The following CSNK2A2IP variants were observed in gnomAD, a reference collection of about 807,000 sequenced individuals.
The protein encoded by CSNK2A2IP is casein kinase II subunit alpha'-interacting protein.
the CSNK2A2IP span, among the ~76,000 whole-genome samples, chr3:88,451,905 C>A: frequency 6.6e-6 from 1 of 151,914 alleles, no homozygotes; most frequent in Non-Finnish European, 1.5e-5. Flanking sequence ...TAATTTTATA[C>A]CTGTAATAAT....
the CSNK2A2IP span, chr3:88,466,421 G>C: frequency 8.1e-7 from 1 of 1,231,874 alleles, no homozygotes; most frequent in Non-Finnish European, 1.0e-6. Flanking sequence ...GGCAAACACA[G>C]AGTCACACAT....
At chr3:88,369,515 G>T in the CSNK2A2IP span, among the ~76,000 whole-genome samples, 1 of 151,902 alleles carries the variant, frequency 6.6e-6, no homozygotes, top group African/African-American at 2.4e-5. Flanking sequence ...GCTTGTTATT[G>T]CAAAACCTCA....
At chr3:88,377,484 G>A in the CSNK2A2IP span, among the ~76,000 whole-genome samples, 2 of 138,610 alleles carry the variant, frequency 1.4e-5, no homozygotes, top group Non-Finnish European at 3.3e-5. Context: ...GATTGAATCT[G>A]TATTACAATT....
chr3:88,339,353 C>T, the CSNK2A2IP span, among the ~76,000 whole-genome samples: 3 of 151,910 alleles, frequency 2.0e-5, no homozygotes, highest in African/African-American at 7.3e-5. Context: ...CAGTTCTATC[C>T]ATGTTGCAAA....
At chr3:88,356,918 G>C in the CSNK2A2IP span, among the ~76,000 whole-genome samples, 2 of 151,914 alleles carry the variant, frequency 1.3e-5, no homozygotes, top group African/African-American at 4.8e-5. Context: ...GTCTATTCAG[G>C]TATTTTATTC....
At chr3:88,367,979 C>A in the CSNK2A2IP span, among the ~76,000 whole-genome samples, 1 of 151,898 alleles carries the variant, frequency 6.6e-6, no homozygotes, top group Non-Finnish European at 1.5e-5. Context: ...AATGAATATA[C>A]CAATATTTTG....
At chr3:88,451,117 T>A in the CSNK2A2IP span, among the ~76,000 whole-genome samples, 1 of 152,126 alleles carries the variant, frequency 6.6e-6, no homozygotes, top group Non-Finnish European at 1.5e-5. Flanking sequence ...TTTATTTTAA[T>A]TGACAAATAA....
the CSNK2A2IP span, chr3:88,465,248 C>G: frequency 1.8e-6 from 1 of 554,310 alleles, no homozygotes; most frequent in South Asian, 9.9e-5. Context: ...AAGCTAGCAA[C>G]TGTTATGTAA....
chr3:88,399,153 A>T, the CSNK2A2IP span, among the ~76,000 whole-genome samples: 1 of 152,170 alleles, frequency 6.6e-6, no homozygotes, highest in Non-Finnish European at 1.5e-5. Flanking sequence ...TGCATTCCTC[A>T]ACAATAGCAT....
chr3:88,425,236 A>C, the CSNK2A2IP span, among the ~76,000 whole-genome samples: 1 of 152,072 alleles, frequency 6.6e-6, no homozygotes, highest in African/African-American at 2.4e-5. Flanking sequence ...CTTATATTTG[A>C]AAATATTTTG....
chr3:88,344,143 T>C, the CSNK2A2IP span, among the ~76,000 whole-genome samples: 13 of 151,924 alleles, frequency 8.6e-5, no homozygotes, highest in Admixed American at 7.9e-4. Context: ...TACTTAAAGA[T>C]ATTCTTGAAA....
chr3:88,365,667 G>A, the CSNK2A2IP span, among the ~76,000 whole-genome samples: 1 of 152,024 alleles, frequency 6.6e-6, no homozygotes, highest in African/African-American at 2.4e-5. Flanking sequence ...TTTATGCAGT[G>A]CCCCTTTTGG....
chr3:88,421,244 A>C, the CSNK2A2IP span, among the ~76,000 whole-genome samples: 2 of 152,202 alleles, frequency 1.3e-5, no homozygotes, highest in East Asian at 3.9e-4. Context: ...TATTATGTCC[A>C]TGTCTTGGCT....
the CSNK2A2IP span, among the ~76,000 whole-genome samples, chr3:88,429,076 T>C: frequency 6.9e-6 from 1 of 145,664 alleles, no homozygotes; most frequent in African/African-American, 2.5e-5. Flanking sequence ...CAGTAAGCTA[T>C]TGATTTACTT....
At chr3:88,405,590 T>C in the CSNK2A2IP span, among the ~76,000 whole-genome samples, 1 of 152,168 alleles carries the variant, frequency 6.6e-6, no homozygotes, top group Non-Finnish European at 1.5e-5. Flanking sequence ...TAATAATAGC[T>C]TAGTGATTTC....
chr3:88,455,497 T>C, the CSNK2A2IP span, among the ~76,000 whole-genome samples: 1 of 151,980 alleles, frequency 6.6e-6, no homozygotes, highest in African/African-American at 2.4e-5. Context: ...TGACTATATG[T>C]ATATTTTCTT....
the CSNK2A2IP span, among the ~76,000 whole-genome samples, chr3:88,351,419 AT>A: frequency 6.6e-6 from 1 of 152,010 alleles, no homozygotes; most frequent in Admixed American, 6.6e-5. Flanking sequence ...TTTTTCCTAA[AT>A]TCAAAATTAT....
the CSNK2A2IP span, among the ~76,000 whole-genome samples, chr3:88,377,587 T>C: frequency 4.1e-4 from 62 of 151,978 alleles, no homozygotes; most frequent in East Asian, 0.011. Context: ...GATCATGTTG[T>C]AAATATTAAT....
At chr3:88,378,433 C>T in the CSNK2A2IP span, among the ~76,000 whole-genome samples, 1 of 151,902 alleles carries the variant, frequency 6.6e-6, no homozygotes, top group Non-Finnish European at 1.5e-5. Flanking sequence ...TAAACCAGTG[C>T]TTTCCAGTAA....
Sources: gnomAD v4.1 joint callset for allele counts (sites outside exome capture counted in the v4.1 genomes callset) on GRCh38, gnomAD v4.1.1 for gene constraint, MANE v1.5 for transcripts, NCBI Gene and HGNC (gene_info 2026-07-23, HGNC 2026-07-21) for gene names.